IL1RL2: variants seen among roughly 807,000 people sequenced by gnomAD.
IL1RL2 encodes the protein interleukin 1 receptor like 2.
In IL1RL2, 68 loss-of-function variants were observed where a neutral mutation model predicts 66.8. The ratio of observed to expected loss-of-function variants is 1.02; its 90% CI spans 0.84 to 1.25. The LOEUF (loss-of-function observed/expected upper bound fraction) is 1.25. IL1RL2 is among the 50% of genes most tolerant of loss of function. The pLI is 0.00. For synonymous variants in IL1RL2, 305 were observed against 264.6 expected (o/e 1.15, Z -1.48); for missense variants, 729 against 709.3 (o/e 1.03, Z -0.32).
intron 9 of IL1RL2, among the ~76,000 whole-genome samples, chr2:102,227,575 G>A (rs1217288362): frequency 6.6e-6 from 1 of 152,060 alleles, no homozygotes; most frequent in Non-Finnish European, 1.5e-5. Context: ...ATGGGGAGGG[G>A]GTCTCTGGTT....
intron 4 of IL1RL2, among the ~76,000 whole-genome samples, chr2:102,198,556 C>T (rs1353785281): frequency 1.3e-5 from 2 of 152,208 alleles, no homozygotes; most frequent in African/African-American, 2.4e-5. Flanking sequence ...TCATTTTCAA[C>T]CTGATTGTGG....
chr2:102,195,781 T>G (rs1687733262), intron 4 of IL1RL2, among the ~76,000 whole-genome samples: 1 of 150,850 alleles, frequency 6.6e-6, no homozygotes, highest in African/African-American at 2.4e-5. Context: ...TGGTGCGGTC[T>G]TGACTCATTG....
chr2:102,235,223 C>G lies in IL1RL2; in HGVS notation c.1624C>G (p.Arg542Gly). 1 of 1,614,134 alleles carries G rather than the reference C, an allele frequency of 6.2e-7. No homozygotes were observed. The highest frequency in any genetic ancestry group is 1.1e-5 in the South Asian group (1 of 91,064). The change falls in exon 11 of 12, where the codon CGG becomes GGG. Residue 542 changes from arginine to glycine, a missense_variant. Arg to Gly is a moderately radical substitution (Grantham distance 125, BLOSUM62 -2). Transcript: ENST00000264257. ...ATACCACATGCCGCCCAGAAGGTGT[C>G]GGCCGTTTCCTCCGGTCCAGCTGCT... ...VRYHMPPRRC[R>G]PFPPVQLLQH...
chr2:102,234,687 T>C (rs1442699071), intron 10 of IL1RL2, among the ~76,000 whole-genome samples: 7 of 152,088 alleles, frequency 4.6e-5, no homozygotes, highest in Admixed American at 2.6e-4. Flanking sequence ...CTTAGGAGGC[T>C]GAGGCAGGAG....
chr2:102,224,315 C>T (rs1690409107), intron 8 of IL1RL2, among the ~76,000 whole-genome samples: 1 of 152,096 alleles, frequency 6.6e-6, no homozygotes, highest in African/African-American at 2.4e-5. Context: ...GTAGAATCAA[C>T]CTAAGTGTCC....
intron 9 of IL1RL2, among the ~76,000 whole-genome samples, chr2:102,229,020 C>T (rs1470895111): frequency 6.6e-6 from 1 of 152,178 alleles, no homozygotes; most frequent in Non-Finnish European, 1.5e-5. Context: ...GGGGTAAACC[C>T]ACCAAACCTC....
intron 9 of IL1RL2, among the ~76,000 whole-genome samples, chr2:102,227,169 T>G (rs1202091496): frequency 6.6e-6 from 1 of 152,200 alleles, no homozygotes. Flanking sequence ...AGTCCCCTAA[T>G]TAGATGAAAA....
rs1458705683 is a variant in IL1RL2, at chr2:102,201,615, C to T, written c.549C>T (p.Ser183=). ...TTTTGGAAACCAGGCTTTTGGTGAG[C>T]AATGTCTCGGCAGAGGACAGAGGGA... ...FTVLETRLLV[S]NVSAEDRGNY... The change falls in exon 5 of 12, where the codon AGC becomes AGT. Residue 183 remains serine (S), a synonymous_variant. Transcript: ENST00000264257. 7 of 1,613,880 alleles carry T rather than the reference C, an allele frequency of 4.3e-6. No individual in the cohort carries two copies. The highest frequency in any genetic ancestry group is 5.9e-6 in the Non-Finnish European group (7 of 1,179,950).
intron 11 of IL1RL2, among the ~76,000 whole-genome samples, chr2:102,237,302 C>T (rs1254550749): frequency 6.6e-6 from 1 of 152,206 alleles, no homozygotes; most frequent in Non-Finnish European, 1.5e-5. Flanking sequence ...TCACCCTTTG[C>T]GGTCCAGATC....
chr2:102,199,133 G>T (rs1688023798), intron 4 of IL1RL2, among the ~76,000 whole-genome samples: 1 of 151,962 alleles, frequency 6.6e-6, no homozygotes, highest in South Asian at 2.1e-4. Flanking sequence ...ATTGTTTTTT[G>T]TTTTTTACTT....
intron 5 of IL1RL2, among the ~76,000 whole-genome samples, chr2:102,205,835 T>G (rs1182000326): frequency 6.6e-6 from 1 of 152,208 alleles, no homozygotes; most frequent in Non-Finnish European, 1.5e-5. Flanking sequence ...CTTTTCTGTT[T>G]CTCTACCTCC....
At chr2:102,216,996 A>G (rs891664573) in intron 6 of IL1RL2, among the ~76,000 whole-genome samples, 3 of 152,126 alleles carry the variant, frequency 2.0e-5, no homozygotes, top group Non-Finnish European at 4.4e-5. Flanking sequence ...GTCTTGAAAG[A>G]TTTACATAGC....
At chr2:102,200,284 G>A (rs1339614700) in intron 4 of IL1RL2, among the ~76,000 whole-genome samples, 1 of 151,980 alleles carries the variant, frequency 6.6e-6, no homozygotes, top group Non-Finnish European at 1.5e-5. Context: ...GTATTTATAG[G>A]GAAATAATGT....
chr2:102,206,960 C>T (rs989310062), intron 5 of IL1RL2, among the ~76,000 whole-genome samples: 2 of 152,146 alleles, frequency 1.3e-5, no homozygotes, highest in Non-Finnish European at 2.9e-5. Flanking sequence ...AACCACAAGA[C>T]GTAGTCCTTC....
chr2:102,230,032 G>A (rs1457257268), intron 9 of IL1RL2, among the ~76,000 whole-genome samples: 2 of 152,156 alleles, frequency 1.3e-5, no homozygotes, highest in African/African-American at 2.4e-5. Flanking sequence ...CTAGTGGCAG[G>A]GTCTGGGACA....
At chr2:102,242,835 A>G (rs892594321), downstream of IL1RL2, among the ~76,000 whole-genome samples, 2 of 152,230 alleles carry the variant, frequency 1.3e-5, no homozygotes, top group Admixed American at 1.3e-4. Context: ...GGTTTGTTCT[A>G]TTTGTTACTT....
intron 8 of IL1RL2, among the ~76,000 whole-genome samples, chr2:102,221,032 G>T (rs57684787): frequency 6.6e-6 from 1 of 152,182 alleles, no homozygotes; most frequent in African/African-American, 2.4e-5. Context: ...TCTGGCCTCA[G>T]CTGCCTTAAC....
chr2:102,186,997 C>T (rs1182034764), upstream of IL1RL2: 2 of 1,289,074 alleles, frequency 1.6e-6, no homozygotes, highest in Non-Finnish European at 2.0e-6. Context: ...CGGGGAAATA[C>T]CTAGGCATGG....
In IL1RL2 at chr2:102,189,080, A is replaced by G. The variant is rs780037936; in HGVS notation, c.63A>G (p.Gly21=). Reference sequence around the variant, plus strand: ...GTTTTGTTTTTCTTTCCCTAGATGGATGCAAGGACATTTTTATGAAAAATG... The same window carrying G: ...GTTTTGTTTTTCTTTCCCTAGATGGGTGCAAGGACATTTTTATGAAAAATG... ...IALPLSVTAD[G]CKDIFMKNEI... Residue 21 remains glycine, a synonymous_variant, in exon 3 of 12, where the codon GGA becomes GGG. Transcript: ENST00000264257. The G allele has an allele frequency of 2.5e-6, 4 of 1,611,892 alleles. No individual in the cohort carries two copies. The highest frequency in any genetic ancestry group is 8.5e-7 in the Non-Finnish European group (1 of 1,178,222).
Sources: allele counts gnomAD v4.1 joint callset (sites outside exome capture counted in the v4.1 genomes callset), GRCh38; gene constraint gnomAD v4.1.1; transcripts MANE v1.5; gene names NCBI Gene and HGNC (gene_info 2026-07-23, HGNC 2026-07-21).